MBD5: variants seen among roughly 807,000 people sequenced by gnomAD.
The protein encoded by MBD5 is methyl-CpG-binding domain protein 5.
A neutral mutation model predicts 117.3 loss-of-function variants in MBD5; 13 were observed. The ratio of observed to expected loss-of-function variants is 0.11; its 90% CI spans 0.07 to 0.18. MBD5 has a LOEUF of 0.18. MBD5 is among the 10% of genes least tolerant of loss of function. The probability of loss-of-function intolerance (pLI) is 1.00; values close to 1 mark genes in which losing one functional copy is unlikely to be tolerated. For missense variants in MBD5, 1,879 were observed against 2,093.8 expected, an observed-to-expected ratio of 0.90 and a Z score of 2.00; for synonymous variants, 727 against 766.4, an observed-to-expected ratio of 0.95 and a Z score of 0.85.
intron 13 of MBD5, among the ~76,000 whole-genome samples, chr2:148,512,459 G>A (rs1682248274): frequency 6.6e-6 from 1 of 152,322 alleles, no homozygotes; most frequent in East Asian, 1.9e-4. Context: ...AAAAAAAGGG[G>A]CATGTTTGGT....
intron 1 of MBD5, among the ~76,000 whole-genome samples, chr2:148,157,962 A>G (rs901812606): frequency 3.3e-5 from 5 of 152,218 alleles, no homozygotes; most frequent in African/African-American, 1.2e-4. Context: ...TGGTGGTTAC[A>G]CAATATTGCG....
chr2:148,133,758 G>C (rs912238324), intron 1 of MBD5, among the ~76,000 whole-genome samples: 30 of 152,128 alleles, frequency 2.0e-4, no homozygotes, highest in African/African-American at 7.2e-4. Context: ...GGGAGGTGGA[G>C]GTTGCAGTGA....
intron 1 of MBD5, among the ~76,000 whole-genome samples, chr2:148,092,229 A>G (rs1695961877): frequency 6.6e-6 from 1 of 152,242 alleles, no homozygotes; most frequent in Non-Finnish European, 1.5e-5. Flanking sequence ...GTAAACTAGT[A>G]CAACCACTGT....
At chr2:148,281,201 C>T (rs1469403200) in intron 3 of MBD5, among the ~76,000 whole-genome samples, 2 of 152,116 alleles carry the variant, frequency 1.3e-5, no homozygotes, top group African/African-American at 4.8e-5. Context: ...CATTCTATTT[C>T]TAAAATTTGT....
Position 148,490,492 on chromosome 2 carries a change from C to T in MBD5, c.4860C>T (p.Asp1620=). Residue 1620 remains aspartate, a synonymous_variant, in exon 11 of 14, where the codon GAC becomes GAT. Transcript: ENST00000642680. ...GACCAAGGACGTTCAATGTTGGCGA[C>T]TTGGTCTGGGGCCAAATCAAAGGAC... The part of the protein sequence containing the change: ...HYRPRTFNVG[D]LVWGQIKGLT... The T allele has an allele frequency of 6.2e-7, 1 of 1,614,184 alleles. No homozygotes were observed. Among genetic ancestry groups the T allele is most frequent in the Non-Finnish European group, 8.5e-7 (1 of 1,180,040 alleles).
chr2:148,179,124 G>A (rs1698457568), intron 2 of MBD5, among the ~76,000 whole-genome samples: 1 of 152,164 alleles, frequency 6.6e-6, no homozygotes, highest in Non-Finnish European at 1.5e-5. Flanking sequence ...GGAGGCCGAG[G>A]CGGGCGGATC....
intron 3 of MBD5, among the ~76,000 whole-genome samples, chr2:148,269,543 A>T (rs1319507664): frequency 6.6e-6 from 1 of 151,254 alleles, no homozygotes; most frequent in Non-Finnish European, 1.5e-5. Context: ...ACATTATTTC[A>T]TTTCCTACAG....
At chr2:148,042,935 T>G (rs1360436558) in intron 1 of MBD5, among the ~76,000 whole-genome samples, 1 of 152,192 alleles carries the variant, frequency 6.6e-6, no homozygotes, top group Non-Finnish European at 1.5e-5. Flanking sequence ...CTTAGCTCCC[T>G]TTGAAAATCT....
intron 2 of MBD5, among the ~76,000 whole-genome samples, chr2:148,218,750 A>G (rs1699615582): frequency 6.6e-6 from 1 of 152,218 alleles, no homozygotes; most frequent in Admixed American, 6.5e-5. Flanking sequence ...TTGTATATCT[A>G]AACAAAAAAG....
At chr2:148,387,510 T>C (rs1704411723) in intron 4 of MBD5, among the ~76,000 whole-genome samples, 1 of 152,114 alleles carries the variant, frequency 6.6e-6, no homozygotes, top group Non-Finnish European at 1.5e-5. Context: ...AACATTTTAG[T>C]GGAGGTCAGA....
chr2:148,222,637 A>C (rs1699718616), intron 2 of MBD5, among the ~76,000 whole-genome samples: 1 of 151,696 alleles, frequency 6.6e-6, no homozygotes, highest in Non-Finnish European at 1.5e-5. Flanking sequence ...TTTGTTTATC[A>C]GTTTGAATAG....
At chr2:148,451,406 G>A (rs34419969) in intron 4 of MBD5, among the ~76,000 whole-genome samples, 36,122 of 152,032 alleles carry the variant, frequency 0.24, 5,480 homozygotes, top group Non-Finnish European at 0.33. Context: ...TGCATGTCTT[G>A]AGTAAATAGG....
intron 1 of MBD5, among the ~76,000 whole-genome samples, chr2:148,050,272 T>G (rs1206724882): frequency 5.9e-5 from 9 of 152,198 alleles, no homozygotes; most frequent in Non-Finnish European, 4.4e-5. Flanking sequence ...TTGCCTTTAC[T>G]GATGGCTAAC....
chr2:148,439,665 A>C (rs1021661957), intron 4 of MBD5, among the ~76,000 whole-genome samples: 9 of 152,094 alleles, frequency 5.9e-5, no homozygotes, highest in African/African-American at 2.2e-4. Flanking sequence ...GTAAAGCCAA[A>C]CAAAATACAG....
At chr2:148,107,248 A>G (rs7600254) in intron 1 of MBD5, among the ~76,000 whole-genome samples, 3,997 of 151,972 alleles carry the variant, frequency 0.026, 101 homozygotes, top group African/African-American at 0.067. Context: ...GGCTTCTACT[A>G]TTTCTTTTGA....
At position 148,189,176 on chromosome 2, in the gene MBD5, G is replaced by C. The variant is rs1295855167; in HGVS notation, c.-831+10383G>C. Among the ~76,000 whole-genome samples the C allele has an allele frequency of 4.8e-5, 7 of 147,340 alleles. No individual in the cohort carries two copies. In the East Asian group the frequency reaches 1.4e-3, roughly 30 times the overall value. On this transcript the variant is annotated intron_variant, in intron 2 of 13. Transcript: ENST00000642680. ...AAACTGCAAGGCGGCAACGAGGCTG[G>C]GGGAGGGGCGCCCGCCATTGCTCAG...
intron 1 of MBD5, among the ~76,000 whole-genome samples, chr2:148,051,289 AC>A (rs1694692487): frequency 6.6e-6 from 1 of 150,984 alleles, no homozygotes; most frequent in South Asian, 2.1e-4. Flanking sequence ...ATTTTTGCAG[AC>A]CTTATTAGCT....
intron 1 of MBD5, among the ~76,000 whole-genome samples, chr2:148,153,989 G>A (rs1574073874): frequency 8.1e-6 from 1 of 123,952 alleles, no homozygotes; most frequent in African/African-American, 3.0e-5. Context: ...GTGAGGAACT[G>A]CGTTCCTTTG....
chr2:148,495,922 A>C (rs914472645), intron 11 of MBD5, among the ~76,000 whole-genome samples: 2 of 152,254 alleles, frequency 1.3e-5, no homozygotes, highest in African/African-American at 4.8e-5. Context: ...CTTACCTTGC[A>C]TTCTGGGGGT....
Sources: gnomAD v4.1 joint callset for allele counts (sites outside exome capture counted in the v4.1 genomes callset) on GRCh38, gnomAD v4.1.1 for gene constraint, MANE v1.5 for transcripts, NCBI Gene and HGNC (gene_info 2026-07-23, HGNC 2026-07-21) for gene names.